Variants in LRTM3 observed in about 807,000 individuals in gnomAD.
LRTM3 encodes the protein leucine rich repeat transmembrane protein 3, also known as leucine-rich repeat transmembrane protein 3.
the LRTM3 span, chr13:102,735,108 GC>G: frequency 6.4e-7 from 1 of 1,551,194 alleles, no homozygotes. Context: ...ATGACACCTG[GC>G]CCACTTTTAA....
At chr13:102,733,071 CTGT>C in the LRTM3 span, 11 of 1,551,248 alleles carry the variant, frequency 7.1e-6, no homozygotes, top group Non-Finnish European at 9.6e-6. Flanking sequence ...CTGAGGTGCG[CTGT>C]TGTTTTCTTG....
the LRTM3 span, chr13:102,750,094 C>T: frequency 1.3e-6 from 2 of 1,550,914 alleles, no homozygotes; most frequent in Non-Finnish European, 1.7e-6. Context: ...TGTTGGTTTT[C>T]ATCATTGAAA....
the LRTM3 span, chr13:102,745,121 A>C: frequency 6.4e-7 from 1 of 1,550,802 alleles, no homozygotes; most frequent in Non-Finnish European, 8.7e-7. Flanking sequence ...TTTGGTAACA[A>C]ACAGAATTTT....
the LRTM3 span, among the ~76,000 whole-genome samples, chr13:102,757,688 C>G: frequency 3.3e-5 from 5 of 152,178 alleles, no homozygotes; most frequent in African/African-American, 7.2e-5. Flanking sequence ...TCCAGGATAA[C>G]ATTCTTCGTG....
At chr13:102,732,502 A>G in the LRTM3 span, 1 of 1,551,198 alleles carries the variant, frequency 6.4e-7, no homozygotes. Flanking sequence ...CATATGAATA[A>G]AATGAATCCA....
chr13:102,739,078 T>C, the LRTM3 span: 1 of 1,550,422 alleles, frequency 6.4e-7, no homozygotes, highest in Non-Finnish European at 8.7e-7. Context: ...CTCTCATGTA[T>C]ACCTCTTTTA....
chr13:102,758,597 T>C, the LRTM3 span: 2 of 1,540,684 alleles, frequency 1.3e-6, no homozygotes, highest in Admixed American at 4.1e-5. Flanking sequence ...GGAAAAAAAA[T>C]TGTTAGAGGA....
chr13:102,751,951 G>A, the LRTM3 span, among the ~76,000 whole-genome samples: 23 of 152,100 alleles, frequency 1.5e-4, no homozygotes, highest in Admixed American at 3.3e-4. Context: ...TCCCTGCCTC[G>A]CTACCATTAG....
chr13:102,733,841 C>A, the LRTM3 span: 2 of 1,551,376 alleles, frequency 1.3e-6, no homozygotes, highest in Non-Finnish European at 1.7e-6. Flanking sequence ...TGCCTCTGGG[C>A]GGGGCACATA....
the LRTM3 span, chr13:102,740,030 T>C: frequency 6.4e-7 from 1 of 1,550,408 alleles, no homozygotes; most frequent in South Asian, 1.2e-5. Flanking sequence ...GCTATCCTTC[T>C]GTCCTTTACT....
chr13:102,740,730 C>A, the LRTM3 span: 7 of 1,548,336 alleles, frequency 4.5e-6, no homozygotes, highest in Non-Finnish European at 6.1e-6. Context: ...TTTGGAAGAG[C>A]CTTGTATGTA....
At chr13:102,741,616 A>T in the LRTM3 span, 1 of 1,550,468 alleles carries the variant, frequency 6.4e-7, no homozygotes, top group Middle Eastern at 1.7e-4. Flanking sequence ...TTGTCATAGA[A>T]ATATCTTCTT....
At chr13:102,736,192 A>T in the LRTM3 span, 3 of 1,547,402 alleles carry the variant, frequency 1.9e-6, no homozygotes, top group Non-Finnish European at 2.6e-6. Flanking sequence ...ATCTATGGTG[A>T]GAGAGAGAAG....
chr13:102,756,587 T>C, the LRTM3 span, among the ~76,000 whole-genome samples: 1 of 138,874 alleles, frequency 7.2e-6, no homozygotes, highest in Admixed American at 8.3e-5. Context: ...GGCAGGAGAA[T>C]CACTTGAACC....
the LRTM3 span, chr13:102,748,509 A>T: frequency 1.9e-6 from 3 of 1,550,796 alleles, no homozygotes; most frequent in Non-Finnish European, 1.7e-6. Flanking sequence ...TCTCCATTTG[A>T]AAGTTGAAGA....
chr13:102,737,075 G>A, the LRTM3 span: 2 of 1,551,064 alleles, frequency 1.3e-6, no homozygotes, highest in African/African-American at 1.4e-5. Context: ...TCTAGTTTTT[G>A]AGCCACTGCT....
the LRTM3 span, chr13:102,732,392 T>A: frequency 6.4e-7 from 1 of 1,551,424 alleles, no homozygotes. Flanking sequence ...AATTGGGTGA[T>A]TCTGGATTTT....
chr13:102,746,502 T>C, the LRTM3 span: 1 of 1,551,150 alleles, frequency 6.4e-7, no homozygotes, highest in Non-Finnish European at 8.7e-7. Context: ...TGGTTTATCT[T>C]TTTAAACTTA....
the LRTM3 span, chr13:102,737,221 T>A: frequency 6.4e-7 from 1 of 1,551,102 alleles, no homozygotes; most frequent in Non-Finnish European, 8.7e-7. Flanking sequence ...CTTGTACTGT[T>A]TTTACATCAT....
Sources: allele counts gnomAD v4.1 joint callset (sites outside exome capture counted in the v4.1 genomes callset), GRCh38; gene constraint gnomAD v4.1.1; transcripts MANE v1.5; gene names NCBI Gene and HGNC (gene_info 2026-07-23, HGNC 2026-07-21).